Variants in PRDM11 observed in about 807,000 individuals in gnomAD.
The protein encoded by PRDM11 is PR/SET domain 11, also known as PR domain-containing protein 11.
In PRDM11, 20 loss-of-function variants were observed where a neutral mutation model predicts 97.8. The observed-to-expected ratio is 0.20, with a 90% CI of 0.14 to 0.30. The LOEUF is 0.30. Among genes scored for constraint, PRDM11 ranks in the 10% least tolerant of loss-of-function variants. The pLI is 1.00. For synonymous variants in PRDM11, 599 were observed against 637.7 expected (o/e 0.94, Z 0.91); for missense variants, 1,139 against 1,555.2 (o/e 0.73, Z 4.50).
chr11:45,213,134 C>T (rs1176673107), intron 5 of PRDM11: 4 of 456,542 alleles, frequency 8.8e-6, no homozygotes, highest in Admixed American at 2.3e-5. Flanking sequence ...GGAACAGGAT[C>T]GATGACCCTT....
intron 1 of PRDM11, among the ~76,000 whole-genome samples, chr11:45,156,318 C>T (rs1005209831): frequency 6.6e-6 from 1 of 152,248 alleles, no homozygotes; most frequent in South Asian, 2.1e-4. Context: ...CATTTTCAAA[C>T]CTTCCCATCC....
chr11:45,151,129 G>A (rs1385437394), intron 1 of PRDM11, among the ~76,000 whole-genome samples: 2 of 152,140 alleles, frequency 1.3e-5, no homozygotes, highest in African/African-American at 2.4e-5. Flanking sequence ...ACCTAACATC[G>A]GGGTTTGAGC....
intron 1 of PRDM11, among the ~76,000 whole-genome samples, chr11:45,104,634 A>G (rs1852030490): frequency 1.3e-5 from 2 of 152,212 alleles, no homozygotes; most frequent in African/African-American, 4.8e-5. Flanking sequence ...AAGGTGACTC[A>G]TGGCAGAAAC....
chr11:45,145,188 G>A (rs907726918), upstream of PRDM11, among the ~76,000 whole-genome samples: 1 of 152,154 alleles, frequency 6.6e-6, no homozygotes, highest in African/African-American at 2.4e-5. Context: ...GTATTACTGT[G>A]CACCACTTTG....
chr11:45,110,467 T>G (rs760522725), intron 1 of PRDM11, among the ~76,000 whole-genome samples: 6 of 152,214 alleles, frequency 3.9e-5, no homozygotes, highest in Non-Finnish European at 8.8e-5. Flanking sequence ...TCTAAGCCAG[T>G]CACTGATGGG....
chr11:45,179,953 C>A (rs934834860), intron 1 of PRDM11, among the ~76,000 whole-genome samples: 27 of 152,228 alleles, frequency 1.8e-4, no homozygotes, highest in Non-Finnish European at 7.3e-5. Context: ...CTTCACAAAT[C>A]CACAGGGCCT....
Position 45,219,621 on chromosome 11 carries a change from G to A in PRDM11, c.606G>A (p.Gln202=). The change falls in exon 6 of 8, where the codon CAG becomes CAA. Residue 202 remains glutamine, a synonymous_variant. Transcript: ENST00000683152. This position sits in a 1 kb window ranked among gnomAD's most constrained non-coding sequence, Gnocchi z 4.2. ...GGGAGCAGAACCTGCTGGCGTTCCA[G>A]CACAGTGAGCGCATCTACTTCCGGG... ...EEREQNLLAF[Q]HSERIYFRAC... The A allele has an allele frequency of 6.2e-7, 1 of 1,614,122 alleles. No individual in the cohort carries two copies. The highest frequency in any genetic ancestry group is 1.1e-5 in the South Asian group (1 of 91,074).
chr11:45,194,306 G>A (rs1047367298), intron 4 of PRDM11, among the ~76,000 whole-genome samples: 1 of 152,098 alleles, frequency 6.6e-6, no homozygotes, highest in African/African-American at 2.4e-5. Flanking sequence ...TATATCCAAA[G>A]ACCCTAGTTT....
intron 1 of PRDM11, among the ~76,000 whole-genome samples, chr11:45,109,223 T>C (rs1852122656): frequency 6.6e-6 from 1 of 152,184 alleles, no homozygotes; most frequent in Non-Finnish European, 1.5e-5. Context: ...CCCAGAGTGG[T>C]GAGGAGTGGC....
At position 45,228,259 on chromosome 11, in the gene PRDM11, ATTATAT is replaced by A. The variant is rs1190008900; in HGVS notation, c.*102_*107del. The A allele has an allele frequency of 3.8e-4, 111 of 295,376 alleles. No homozygotes were observed. Among genetic ancestry groups the A allele is most frequent in the African/African-American group, 1.9e-3 (77 of 41,316 alleles). The allele number at this position is 295,376 out of a possible 1,614,324, so 18.3% of individuals were successfully genotyped here. On this transcript the variant is annotated 3_prime_UTR_variant, in exon 8 of 8. Coordinates refer to ENST00000683152, the MANE Select transcript of PRDM11 (RefSeq NM_001384648.1). Reference sequence around the variant, plus strand: ...ATAAATATATATTATATTATATTATATTATATTATATATATATATATATATAAACTC... The same window carrying A: ...ATAAATATATATTATATTATATTATATATATATATATATATATATAAACTC...
At position 45,232,793 on chromosome 11, in the gene PRDM11, T is replaced by A. The variant is rs1387031857; in HGVS notation, c.*4634T>A. The stretch of plus-strand genomic sequence containing the variant: ...GGTTAGGGTGCTTGAGCTGAGTGGA[T>A]GGTGCTGTGATATTTTTAAGGAGCC... On this transcript the variant is annotated 3_prime_UTR_variant, in exon 8 of 8. Transcript: ENST00000683152. The A allele has an allele frequency of 6.6e-6, 1 of 152,176 alleles. No homozygotes were observed. The highest frequency in any genetic ancestry group is 1.5e-5 in the Non-Finnish European group (1 of 68,056). 9.4% of individuals were successfully genotyped at this position (152,176 alleles called of 1,614,324 possible).
At chr11:45,225,207 C>A in intron 7 of PRDM11, 1 of 1,060,526 alleles carries the variant, frequency 9.4e-7, no homozygotes, top group Non-Finnish European at 1.2e-6. Context: ...GGGTGTCCCA[C>A]TGGAGAGATC....
At chr11:45,122,202 GAC>G (rs756403475) in intron 1 of PRDM11, among the ~76,000 whole-genome samples, 5,475 of 144,954 alleles carry the variant, frequency 0.038, 253 homozygotes, top group African/African-American at 0.11. Flanking sequence ...CACACACACA[GAC>G]ACACACACAC....
intron 1 of PRDM11, among the ~76,000 whole-genome samples, chr11:45,108,950 A>G (rs1167755067): frequency 6.6e-6 from 1 of 152,220 alleles, no homozygotes; most frequent in African/African-American, 2.4e-5. Flanking sequence ...TAATGTTTCC[A>G]TTTTTGTTTA....
At chr11:45,101,428 C>T (rs1026072501) in intron 1 of PRDM11, among the ~76,000 whole-genome samples, 1 of 151,988 alleles carries the variant, frequency 6.6e-6, no homozygotes, top group Non-Finnish European at 1.5e-5. Flanking sequence ...TGGTGGTCTG[C>T]ACCTGTAGTC....
At chr11:45,141,874 G>T (rs1397535992), upstream of PRDM11, among the ~76,000 whole-genome samples, 2 of 152,198 alleles carry the variant, frequency 1.3e-5, no homozygotes, top group African/African-American at 4.8e-5. Context: ...TACCTGCAGG[G>T]AGGCCAGGGA....
intron 1 of PRDM11, among the ~76,000 whole-genome samples, chr11:45,149,211 C>A (rs1077983): frequency 0.44 from 67,152 of 152,120 alleles, 17,681 homozygotes; most frequent in Non-Finnish European, 0.58. Context: ...GTGATCCATT[C>A]CAAATAGGAT....
intron 1 of PRDM11, among the ~76,000 whole-genome samples, chr11:45,101,240 C>A (rs898592745): frequency 6.6e-6 from 1 of 152,138 alleles, no homozygotes; most frequent in Non-Finnish European, 1.5e-5. Context: ...AGTCCTCAGA[C>A]CTGGGAGGTC....
intron 4 of PRDM11, among the ~76,000 whole-genome samples, chr11:45,189,424 G>C (rs547196750): frequency 3.6e-4 from 55 of 152,272 alleles, no homozygotes; most frequent in African/African-American, 1.2e-3. Flanking sequence ...AGCTATACAG[G>C]CTCCAAATCT....
Sources: gnomAD v4.1 joint callset for allele counts (sites outside exome capture counted in the v4.1 genomes callset) on GRCh38, gnomAD v4.1.1 for gene constraint, Gnocchi (gnomAD v3.1) non-coding constraint, MANE v1.5 for transcripts, NCBI Gene and HGNC (gene_info 2026-07-23, HGNC 2026-07-21) for gene names.